Variants in WDR62 observed in about 807,000 individuals in gnomAD.
The protein encoded by WDR62 is WD repeat domain 62.
A neutral mutation model predicts 160.6 loss-of-function variants in WDR62; 112 were observed. That is an observed-to-expected ratio of 0.70 (90% CI 0.60 to 0.82). The LOEUF (loss-of-function observed/expected upper bound fraction) is 0.82, where lower values mean the gene tolerates loss of function less well. Among genes scored for constraint, WDR62 ranks in the 40% least tolerant of loss-of-function variants. The pLI, the probability that WDR62 is intolerant of heterozygous loss-of-function variation, is 0.00. For synonymous variants in WDR62, 792 were observed against 815.1 expected (o/e 0.97, Z 0.48); for missense variants, 1,819 against 1,983.8 (o/e 0.92, Z 1.58).
intron 20 of WDR62, among the ~76,000 whole-genome samples, chr19:36,094,522 C>T (rs1230281355): frequency 6.6e-6 from 1 of 151,336 alleles, no homozygotes; most frequent in African/African-American, 2.4e-5. Flanking sequence ...CCACTGCACT[C>T]CAGCCTGGGC....
intron 16 of WDR62, 103 bp downstream of exon 16, chr19:36,090,623 C>G: frequency 9.4e-7 from 1 of 1,059,598 alleles, no homozygotes; most frequent in South Asian, 1.3e-5. Flanking sequence ...CAGTGCACCG[C>G]GCTGCCCAGC....
In WDR62 at chr19:36,103,080, T is replaced by C; in HGVS notation, c.3462+6T>C. 6.2e-7 allele frequency: 1 copy of C among 1,613,782 alleles called. No individual in the cohort carries two copies. The highest frequency in any genetic ancestry group is 1.1e-5 in the South Asian group (1 of 91,074). ...CCTCCCCAGACAGGACCCACGTGAG[T>C]ATTGGGCCCACCTCCGTCAGGGCAC... On this transcript the variant is annotated splice_donor_region_variant and intron_variant, in intron 28 of 31. Transcript: ENST00000401500.
chr19:36,090,588 G>C, intron 16 of WDR62, 68 bp downstream of exon 16: 3 of 1,450,488 alleles, frequency 2.1e-6, no homozygotes, highest in Non-Finnish European at 2.9e-6. Flanking sequence ...GCCCACACCT[G>C]AGACCTGTGC....
rs2145586261 is a variant in WDR62, at chr19:36,067,299, C to T, written c.562-7C>T. Reference sequence around the variant, plus strand: ...TGGCATGAGCTTCTCTGCACTTATTCTTCCAGAAAGACATCGTAGTGGCCT... The same window carrying T: ...TGGCATGAGCTTCTCTGCACTTATTTTTCCAGAAAGACATCGTAGTGGCCT... On this transcript the variant is annotated splice_polypyrimidine_tract_variant and splice_region_variant and intron_variant, in intron 5 of 31. Coordinates refer to ENST00000401500, the MANE Select transcript of WDR62 (RefSeq NM_001083961.2). The T allele has an allele frequency of 6.2e-7, 1 of 1,614,126 alleles. No individual in the cohort carries two copies. Among genetic ancestry groups the T allele is most frequent in the East Asian group, 2.2e-5 (1 of 44,880 alleles).
In WDR62 at chr19:36,091,247, C is replaced by G; in HGVS notation, c.2082C>G (p.Asp694Glu). ...SGTFLATSCS[D>E]KSISVIDFYS... ...CCTTCCTGGCCACCAGCTGCTCTGA[C>G]AAAAGCATCTCAGTGATTGACTTTT... Residue 694 changes from aspartate (D) to glutamate (E), a missense_variant, in exon 17 of 32, where the codon GAC becomes GAG. This residue lies in a region of WDR62 where 934 missense variants were observed against 1,157.2 expected (regional missense o/e 0.81). Coordinates refer to ENST00000401500, the MANE Select transcript of WDR62 (RefSeq NM_001083961.2). 1 of 1,613,452 alleles carries G rather than the reference C, an allele frequency of 6.2e-7. No individual in the cohort carries two copies. Among genetic ancestry groups the G allele is most frequent in the Non-Finnish European group, 8.5e-7 (1 of 1,180,042 alleles).
chr19:36,101,839 T>A (rs928823038), intron 25 of WDR62, 65 bp downstream of exon 25: 11 of 1,505,372 alleles, frequency 7.3e-6, no homozygotes, highest in Admixed American at 1.9e-5. Context: ...AGTCACAATG[T>A]CTAAGCACAG....
In WDR62 at chr19:36,086,728, C is replaced by T. The variant is rs1379578836; in HGVS notation, c.1684C>T (p.His562Tyr). ...CTCAGCCAGTCGGGACCGGCTGATC[C>T]ATGTGCTGAACGTGGAGAAGAACTA... ...LASASRDRLI[H>Y]VLNVEKNYNL... The change falls in exon 13 of 32, where the codon CAT (histidine) becomes TAT (tyrosine). Residue 562 changes from histidine to tyrosine, a missense_variant. Physicochemically the swap from His to Tyr is moderately conservative, Grantham distance 83 (BLOSUM62 2). Around this residue, in one of 3 missense-constraint regions of WDR62, gnomAD observed 934 missense variants for 1,157.2 expected, o/e 0.81. Transcript: ENST00000401500. The T allele has an allele frequency of 1.1e-5, 18 of 1,605,806 alleles. No individual in the cohort carries two copies. Among genetic ancestry groups the T allele is most frequent in the Non-Finnish European group, 1.4e-5 (16 of 1,175,766 alleles).
chr19:36,104,394 G>C, intron 30 of WDR62, 124 bp from the exon 31 acceptor site: 3 of 1,251,430 alleles, frequency 2.4e-6, no homozygotes, highest in Non-Finnish European at 1.1e-6. Flanking sequence ...TGAAGGGGAG[G>C]GAGCCTTGGG....
At position 36,060,541 on chromosome 19, in the gene WDR62, G is replaced by T. The variant is rs1046289390; in HGVS notation, c.332+511G>T. On this transcript the variant is annotated intron_variant, in intron 3 of 31. Coordinates refer to ENST00000401500, the MANE Select transcript of WDR62 (RefSeq NM_001083961.2). ...TCTGGGTGCCTGGAGAAAGGAGCAG[G>T]GAAGATGAGGCTGGACCAGGCAGAA... 8 of 177,820 alleles carry T rather than the reference G, an allele frequency of 4.5e-5. No homozygotes were observed. The East Asian group carries it at 1.1e-3, about 24-fold the overall frequency. 11.0% of individuals were successfully genotyped at this position (177,820 alleles called of 1,614,324 possible). A position where few individuals can be genotyped will look rare whatever the true frequency, so the allele number is the denominator to read the frequency against.
At chr19:36,057,351 T>C (rs1286012372) in intron 1 of WDR62, among the ~76,000 whole-genome samples, 5 of 152,214 alleles carry the variant, frequency 3.3e-5, no homozygotes. Context: ...TTGATCTGTC[T>C]TGCAAAGACC....
intron 9 of WDR62, among the ~76,000 whole-genome samples, chr19:36,079,377 G>GT (rs1971763245): frequency 6.6e-6 from 1 of 152,130 alleles, no homozygotes; most frequent in Non-Finnish European, 1.5e-5. Context: ...TTTTTATACT[G>GT]TGTTAAAATA....
At chr19:36,083,284 C>T in intron 11 of WDR62, 43 bp downstream of exon 11, 3 of 1,556,954 alleles carry the variant, frequency 1.9e-6, no homozygotes, top group Non-Finnish European at 2.6e-6. Flanking sequence ...CTCCCAGCTC[C>T]AGCTCAGGTT....
intron 18 of WDR62, 99 bp from the exon 19 acceptor site, chr19:36,092,590 G>T: frequency 6.5e-7 from 1 of 1,529,684 alleles, no homozygotes; most frequent in Admixed American, 1.7e-5. Flanking sequence ...TGGAGAATGG[G>T]GTCCAGGCTG....
At chr19:36,066,125 A>G (rs1599757681) in intron 4 of WDR62, 110 bp downstream of exon 4, 1 of 1,577,902 alleles carries the variant, frequency 6.3e-7, no homozygotes, top group Non-Finnish European at 8.7e-7. Flanking sequence ...TTCCTGGGCC[A>G]GAACAGCCCT....
At position 36,103,486 on chromosome 19, in the gene WDR62, G is replaced by A; in HGVS notation, c.3658G>A (p.Ala1220Thr). 3 of 1,614,108 alleles carry A rather than the reference G, an allele frequency of 1.9e-6. No homozygotes were observed. In the East Asian group the frequency reaches 6.7e-5, roughly 36 times the overall value. ...CCCCTCCACCTGTTCCTACATGGAG[G>A]CCACTGCCAGCTCCCGTGCCAGGAT... ...HAPSTCSYMEATASSRARISR... is the reference protein window; with the variant it reads ...HAPSTCSYMETTASSRARISR... The change falls in exon 30 of 32, where the codon GCC becomes ACC. Residue 1220 changes from alanine (A) to threonine (T), a missense_variant. Transcript: ENST00000401500.
chr19:36,101,357 C>A, intron 24 of WDR62, 40 bp downstream of exon 24: 1 of 1,544,550 alleles, frequency 6.5e-7, no homozygotes, highest in Non-Finnish European at 8.9e-7. Context: ...ACAGTCTGTG[C>A]GTTCAGCCAA....
chr19:36,057,851 G>A (rs1350988855), intron 1 of WDR62, among the ~76,000 whole-genome samples: 1 of 152,174 alleles, frequency 6.6e-6, no homozygotes, highest in African/African-American at 2.4e-5. Flanking sequence ...TCTGATGTGG[G>A]GAAACTGTCT....
At position 36,101,257 on chromosome 19, in the gene WDR62, C is replaced by A. The variant is rs369532489; in HGVS notation, c.2911C>A (p.Gln971Lys). 3.7e-6 allele frequency: 6 copies of A among 1,613,180 alleles called. No individual in the cohort carries two copies. The African/African-American group carries it at 5.3e-5, about 14-fold the overall frequency. ...GGTGGAGGCCGGGCCTGGAGACCAG[C>A]AGGGCGACTCCTACCTCAGGGTGTC... ...KEVEAGPGDQ[Q>K]GDSYLRVSSD... Residue 971 changes from glutamine to lysine, a missense_variant, in exon 24 of 32, where the codon CAG becomes AAG. Gln to Lys is a moderately conservative substitution (Grantham distance 53). Coordinates refer to ENST00000401500, the MANE Select transcript of WDR62 (RefSeq NM_001083961.2).
chr19:36,089,099 C>T lies in WDR62; in HGVS notation c.1830C>T (p.Ala610=), dbSNP rs1380090533. The change falls in exon 14 of 32, where the codon GCC becomes GCT. Residue 610 remains alanine, a synonymous_variant. Transcript: ENST00000401500. ...GADKSIYFRS[A]QQGSDGLHFV... is the part of the protein sequence containing the mutation. ...ACAAGAGCATCTACTTTCGCAGTGCCCAGCAGGTAGGGTGGCATGGCCTCC... is the reference window on the plus strand; with the variant it reads ...ACAAGAGCATCTACTTTCGCAGTGCTCAGCAGGTAGGGTGGCATGGCCTCC... The T allele has an allele frequency of 6.2e-6, 10 of 1,614,000 alleles. No individual in the cohort carries two copies. The highest frequency in any genetic ancestry group is 8.5e-6 in the Non-Finnish European group (10 of 1,180,026).
Sources: gnomAD v4.1 joint callset for allele counts (sites outside exome capture counted in the v4.1 genomes callset) on GRCh38, gnomAD v4.1.1 for gene constraint, gnomAD v4.1.1 regional missense constraint, MANE v1.5 for transcripts, NCBI Gene and HGNC (gene_info 2026-07-23, HGNC 2026-07-21) for gene names.